The following ZNF385D variants were observed in gnomAD, a reference collection of about 807,000 sequenced individuals.
ZNF385D encodes zinc finger protein 659.
Under a neutral mutation model 35.8 loss-of-function variants are expected in ZNF385D, and 15 were observed. That is an observed-to-expected ratio of 0.42 (90% confidence interval 0.28 to 0.64). The LOEUF is 0.64. Among genes scored for constraint, ZNF385D ranks in the 30% least tolerant of loss-of-function variants. The pLI, the probability that ZNF385D is intolerant of heterozygous loss-of-function variation, is 0.23. For missense variants in ZNF385D, 474 were observed against 494.6 expected, an observed-to-expected ratio of 0.96 and a Z score of 0.39; for synonymous variants, 212 against 186.8, an observed-to-expected ratio of 1.13 and a Z score of -1.10.
At chr3:21,594,010 T>A (rs1258130946) in intron 2 of ZNF385D, among the ~76,000 whole-genome samples, 1 of 152,100 alleles carries the variant, frequency 6.6e-6, no homozygotes, top group Non-Finnish European at 1.5e-5. Flanking sequence ...TAAGGCAGTT[T>A]AACTACCAGC....
chr3:22,262,699 A>G (rs957920241), intron 2 of ZNF385D, among the ~76,000 whole-genome samples: 5 of 151,808 alleles, frequency 3.3e-5, no homozygotes, highest in African/African-American at 1.2e-4. Flanking sequence ...CAGTTTTCTC[A>G]TTTCAAAATA....
chr3:21,591,081 C>A (rs2063963234), intron 2 of ZNF385D, among the ~76,000 whole-genome samples: 1 of 151,866 alleles, frequency 6.6e-6, no homozygotes. Flanking sequence ...GCCTGTAATC[C>A]CAGCTACTTG....
chr3:21,979,776 G>C (rs937698212), intron 3 of ZNF385D: 1 of 151,882 alleles, frequency 6.6e-6, no homozygotes, highest in Non-Finnish European at 1.5e-5. Flanking sequence ...GAAAGCACCA[G>C]GATGGAAAAA....
chr3:21,913,642 C>T (rs1323174237), intron 3 of ZNF385D, among the ~76,000 whole-genome samples: 1 of 152,066 alleles, frequency 6.6e-6, no homozygotes, highest in Admixed American at 6.6e-5. Context: ...TCAAAAGATG[C>T]TATTCTTTCT....
At chr3:21,926,617 A>ATTGCTTCCTTACACCT (rs1342825520) in intron 3 of ZNF385D, among the ~76,000 whole-genome samples, 1 of 152,010 alleles carries the variant, frequency 6.6e-6, no homozygotes, top group African/African-American at 2.4e-5. Context: ...GTCTTTATAG[A>ATTGCTTCCTTACACCT]TTGCTTCCTT....
chr3:21,772,566 G>T (rs2071122216), intron 3 of ZNF385D, among the ~76,000 whole-genome samples: 1 of 151,880 alleles, frequency 6.6e-6, no homozygotes, highest in Admixed American at 6.6e-5. Context: ...ATAACGTATT[G>T]ATGAAGAGGA....
chr3:22,289,253 G>C (rs2125394352), intron 2 of ZNF385D, among the ~76,000 whole-genome samples: 1 of 152,236 alleles, frequency 6.6e-6, no homozygotes, highest in South Asian at 2.1e-4. Context: ...GATATAGGGA[G>C]ACTCAAGCAT....
chr3:22,142,846 C>T (rs535882498), intron 3 of ZNF385D, among the ~76,000 whole-genome samples: 115 of 151,974 alleles, frequency 7.6e-4, no homozygotes, highest in Non-Finnish European at 1.3e-3. Context: ...GGATATTATC[C>T]TCCCCGGGTT....
chr3:21,473,371 A>G (rs1048834545), intron 4 of ZNF385D, among the ~76,000 whole-genome samples: 2 of 152,038 alleles, frequency 1.3e-5, no homozygotes, highest in Admixed American at 6.6e-5. Context: ...TTTTCTTCCA[A>G]TTAGATTACG....
chr3:21,542,803 T>G (rs1307831149), intron 3 of ZNF385D: 3 of 152,228 alleles, frequency 2.0e-5, no homozygotes, highest in Non-Finnish European at 4.4e-5. Flanking sequence ...ACTCTGACCT[T>G]GCGGAGGAAA....
At chr3:21,435,371 C>T (rs1194336858) in intron 5 of ZNF385D, among the ~76,000 whole-genome samples, 1 of 150,670 alleles carries the variant, frequency 6.6e-6, no homozygotes. Flanking sequence ...GATCCTCTCA[C>T]CTCAGCCTGC....
chr3:22,000,350 A>C (rs761582842), intron 3 of ZNF385D, among the ~76,000 whole-genome samples: 2 of 152,128 alleles, frequency 1.3e-5, no homozygotes. Context: ...TTAAACCGTC[A>C]AAGTGACCTC....
intron 1 of ZNF385D, among the ~76,000 whole-genome samples, chr3:21,685,537 T>C (rs1265719460): frequency 6.6e-6 from 1 of 152,136 alleles, no homozygotes; most frequent in Non-Finnish European, 1.5e-5. Context: ...ATTTTACTTA[T>C]CAAACAGACA....
At chr3:22,250,332 A>G (rs1157069176) in intron 2 of ZNF385D, among the ~76,000 whole-genome samples, 1 of 151,616 alleles carries the variant, frequency 6.6e-6, no homozygotes, top group Non-Finnish European at 1.5e-5. Context: ...AGACAGATTT[A>G]TCAATTTAGA....
intron 3 of ZNF385D, among the ~76,000 whole-genome samples, chr3:21,967,353 G>A (rs147566197): frequency 6.6e-6 from 1 of 152,192 alleles, no homozygotes; most frequent in African/African-American, 2.4e-5. Flanking sequence ...AGCCACTTAA[G>A]CATTTATTTT....
chr3:21,597,590 C>A (rs1255726872), intron 2 of ZNF385D, among the ~76,000 whole-genome samples: 2 of 151,648 alleles, frequency 1.3e-5, no homozygotes, highest in African/African-American at 4.8e-5. Context: ...TTAGGTAGGA[C>A]CATAAAAAAA....
chr3:22,158,023 CA>C (rs1182973348), intron 3 of ZNF385D, among the ~76,000 whole-genome samples: 1 of 152,028 alleles, frequency 6.6e-6, no homozygotes, highest in Non-Finnish European at 1.5e-5. Flanking sequence ...CAAGCGATTC[CA>C]GATGTAAGAT....
At chr3:22,245,845 G>C (rs1389886533) in intron 2 of ZNF385D, among the ~76,000 whole-genome samples, 1 of 152,066 alleles carries the variant, frequency 6.6e-6, no homozygotes. Context: ...AAAGAATTGT[G>C]ATTGGATTTG....
At chr3:22,353,137 A>C (rs2125499628) in intron 2 of ZNF385D, among the ~76,000 whole-genome samples, 1 of 152,278 alleles carries the variant, frequency 6.6e-6, no homozygotes, top group Middle Eastern at 3.4e-3. Context: ...ACCTCAAGCA[A>C]ATTTCTGGTG....
Sources: allele counts gnomAD v4.1 joint callset (sites outside exome capture counted in the v4.1 genomes callset), GRCh38; gene constraint gnomAD v4.1.1; transcripts MANE v1.5; gene names NCBI Gene and HGNC (gene_info 2026-07-23, HGNC 2026-07-21).